Variants in GUCY1A1 observed in about 807,000 individuals in gnomAD.
GUCY1A1 encodes guanylate cyclase 1 soluble subunit alpha 1, also known as guanylate cyclase soluble subunit alpha-1.
Under a neutral mutation model 64.5 loss-of-function variants are expected in GUCY1A1, and 48 were observed. The observed-to-expected ratio is 0.74, with a 90% CI of 0.59 to 0.95. The LOEUF (loss-of-function observed/expected upper bound fraction) is 0.95. Ranked by LOEUF, GUCY1A1 falls within the 40% of genes least tolerant of loss-of-function variation. The probability of loss-of-function intolerance (pLI) is 0.00; values close to 1 mark genes in which losing one functional copy is unlikely to be tolerated. For synonymous variants in GUCY1A1, 308 were observed against 303.4 expected (o/e 1.02, Z -0.16); for missense variants, 804 against 825.3 (o/e 0.97, Z 0.32).
At chr4:155,700,115 A>G (rs1483824377) in intron 3 of GUCY1A1, among the ~76,000 whole-genome samples, 4 of 152,046 alleles carry the variant, frequency 2.6e-5, no homozygotes, top group East Asian at 1.9e-4. Context: ...CTCTTTTTTC[A>G]TGGGTATTGT....
chr4:155,717,625 A>G (rs890931053), intron 8 of GUCY1A1, among the ~76,000 whole-genome samples: 4 of 152,180 alleles, frequency 2.6e-5, no homozygotes, highest in African/African-American at 7.2e-5. Flanking sequence ...TGCATTTTCA[A>G]AAATCTGGAA....
chr4:155,722,813 T>A (rs1355561801), intron 9 of GUCY1A1, among the ~76,000 whole-genome samples: 1 of 151,916 alleles, frequency 6.6e-6, no homozygotes, highest in Non-Finnish European at 1.5e-5. Flanking sequence ...TTTGGGAGGG[T>A]CCCAAATGCA....
intron 2 of GUCY1A1, among the ~76,000 whole-genome samples, chr4:155,683,462 G>GA (rs1736102358): frequency 6.6e-6 from 1 of 152,164 alleles, no homozygotes; most frequent in African/African-American, 2.4e-5. Flanking sequence ...AATTTCAGCA[G>GA]AAAATAATTA....
At chr4:155,671,428 C>A (rs1734127147) in intron 2 of GUCY1A1, among the ~76,000 whole-genome samples, 2 of 152,152 alleles carry the variant, frequency 1.3e-5, no homozygotes, top group Non-Finnish European at 2.9e-5. Context: ...CCAATTGCTT[C>A]ACTCCAATGT....
chr4:155,698,034 C>G (rs567536917), intron 3 of GUCY1A1, among the ~76,000 whole-genome samples: 618 of 152,260 alleles, frequency 4.1e-3, no homozygotes, highest in Non-Finnish European at 7.0e-3. Flanking sequence ...CTACTGTGTG[C>G]AAAGCACCAA....
rs561945761 is a variant in GUCY1A1 at position 155,705,559 on chromosome 4, A to G, written c.317+1566A>G. Among the ~76,000 whole-genome samples, 267 of 151,442 alleles carry G rather than the reference A, an allele frequency of 1.8e-3. 3 individuals carry two copies. In the South Asian group the frequency reaches 0.023, roughly 13 times the overall value. On this transcript the variant is annotated intron_variant, in intron 4 of 9. Transcript: ENST00000506455. ...CATCTCAAAAAAAAAAAAAAAAAAA[A>G]GTAATAGGCCCCGTTTTTGATTCCC...
chr4:155,694,945 C>G (rs1730227287), intron 2 of GUCY1A1, among the ~76,000 whole-genome samples: 1 of 152,154 alleles, frequency 6.6e-6, no homozygotes, highest in Non-Finnish European at 1.5e-5. Flanking sequence ...AGTAATCATT[C>G]CCCCTATAGC....
rs931619954 is a variant in GUCY1A1, at chr4:155,732,741, A to C, written c.*2510A>C. ...TACTGAGTTATGTTGCCATTTAACT[A>C]TTCTAAAAAATAAGACTGGGTCTCA... is the stretch of plus-strand genomic sequence containing the variant. On this transcript the variant is annotated 3_prime_UTR_variant, in exon 10 of 10. Coordinates refer to ENST00000506455, the MANE Select transcript of GUCY1A1 (RefSeq NM_001130682.3). Among the ~76,000 whole-genome samples, 1 of 151,912 alleles carries C rather than the reference A, an allele frequency of 6.6e-6. No homozygotes were observed. Among genetic ancestry groups the C allele is most frequent in the African/African-American group, 2.4e-5 (1 of 41,414 alleles).
At chr4:155,694,542 G>T (rs961199007) in intron 2 of GUCY1A1, among the ~76,000 whole-genome samples, 11 of 152,210 alleles carry the variant, frequency 7.2e-5, no homozygotes, top group African/African-American at 2.6e-4. Flanking sequence ...TAATATACTC[G>T]GTTTTCTACA....
chr4:155,717,411 A>C, intron 8 of GUCY1A1, 109 bp downstream of exon 8: 1 of 644,306 alleles, frequency 1.6e-6, no homozygotes, highest in Non-Finnish European at 2.4e-6. Flanking sequence ...AGAGAGAGAA[A>C]GCAAAATCTA....
intron 2 of GUCY1A1, among the ~76,000 whole-genome samples, chr4:155,690,273 T>G (rs184260175): frequency 6.6e-6 from 1 of 152,212 alleles, no homozygotes; most frequent in Admixed American, 6.5e-5. Flanking sequence ...TCTGCTTTGG[T>G]CCCCACACCC....
At chr4:155,709,390 TG>T (rs1471451691) in intron 5 of GUCY1A1, among the ~76,000 whole-genome samples, 1 of 152,252 alleles carries the variant, frequency 6.6e-6, no homozygotes, top group African/African-American at 2.4e-5. Flanking sequence ...AGTGTTACTT[TG>T]TTACAAAATA....
At chr4:155,671,232 T>G (rs1468802555) in intron 2 of GUCY1A1, among the ~76,000 whole-genome samples, 2 of 152,212 alleles carry the variant, frequency 1.3e-5, no homozygotes, top group Non-Finnish European at 2.9e-5. Flanking sequence ...CTCTTCAGAA[T>G]TGCTTGTAAA....
At chr4:155,700,015 TCTTG>T (rs1337689058) in intron 3 of GUCY1A1, among the ~76,000 whole-genome samples, 1 of 152,194 alleles carries the variant, frequency 6.6e-6, no homozygotes, top group Non-Finnish European at 1.5e-5. Flanking sequence ...AATTTAGATC[TCTTG>T]CTTAAAGCAA....
chr4:155,692,593 A>G (rs1429374539), intron 2 of GUCY1A1, among the ~76,000 whole-genome samples: 2 of 152,204 alleles, frequency 1.3e-5, no homozygotes, highest in African/African-American at 2.4e-5. Flanking sequence ...GGTCACATGT[A>G]TGCCTTCTTT....
chr4:155,674,957 C>G (rs187772719), intron 2 of GUCY1A1, among the ~76,000 whole-genome samples: 28 of 151,606 alleles, frequency 1.8e-4, no homozygotes, highest in Non-Finnish European at 3.5e-4. Context: ...TTTGCCTGCA[C>G]GAACATCTCC....
In GUCY1A1 at chr4:155,667,417, C is replaced by CA. The variant is rs1471277795; in HGVS notation, c.-113dup. 6.6e-6 allele frequency: 1 copy of CA among 152,106 alleles called. No homozygotes were observed. Among genetic ancestry groups the CA allele is most frequent in the Non-Finnish European group, 1.5e-5 (1 of 68,038 alleles). The allele number at this position is 152,106 out of a possible 1,614,324, so 9.4% of individuals were successfully genotyped here. On this transcript the variant is annotated splice_region_variant and 5_prime_UTR_variant, in exon 2 of 10. An upstream open reading frame in the 5' UTR loses its in-frame stop. Coordinates refer to ENST00000506455, the MANE Select transcript of GUCY1A1 (RefSeq NM_001130682.3). ...ACAGCCCCGAGGTGTGCGAAGCCACCAAGTAAGTGGTCGCTGCATCCCCAC... is the reference window on the plus strand; with the variant it reads ...ACAGCCCCGAGGTGTGCGAAGCCACCAAAGTAAGTGGTCGCTGCATCCCCAC...
chr4:155,683,198 T>A (rs2126627633), intron 2 of GUCY1A1, among the ~76,000 whole-genome samples: 1 of 152,250 alleles, frequency 6.6e-6, no homozygotes, highest in South Asian at 2.1e-4. Flanking sequence ...TAGTGAGATT[T>A]CACTTTTTCT....
Position 155,717,276 on chromosome 4 carries a change from A to G in GUCY1A1, c.1690A>G (p.Met564Val), listed in dbSNP as rs371148859. 5.1e-5 allele frequency: 81 copies of G among 1,594,182 alleles called. No individual in the cohort carries two copies. Among genetic ancestry groups the G allele is most frequent in the East Asian group, 4.1e-4 (18 of 44,248 alleles). Residue 564 changes from methionine (M) to valine (V), a missense_variant, in exon 8 of 10, where the codon ATG (methionine) becomes GTG (valine). Met to Val is a conservative substitution (Grantham distance 21). Transcript: ENST00000506455. ...GATGATGGAGCTCTCTGATGAAGTTATGTCTCCCCATGGAGAACCTATCAA... is the reference window on the plus strand; with the variant it reads ...GATGATGGAGCTCTCTGATGAAGTTGTGTCTCCCCATGGAGAACCTATCAA... ...LKMMELSDEV[M>V]SPHGEPIKMR...
Sources: allele counts gnomAD v4.1 joint callset (sites outside exome capture counted in the v4.1 genomes callset), GRCh38; gene constraint gnomAD v4.1.1; transcripts MANE v1.5; gene names NCBI Gene and HGNC (gene_info 2026-07-23, HGNC 2026-07-21).